MVB12B: variants seen among roughly 807,000 people sequenced by gnomAD.
MVB12B encodes ESCRT-I complex subunit MVB12B.
In MVB12B, 16 loss-of-function variants were observed where a neutral mutation model predicts 41.6. That is an observed-to-expected ratio of 0.38 (90% confidence interval 0.26 to 0.58). The LOEUF (loss-of-function observed/expected upper bound fraction) is 0.58. MVB12B is among the 20% of genes least tolerant of loss of function. The pLI is 0.62. For synonymous variants in MVB12B, 133 were observed against 139.7 expected, an observed-to-expected ratio of 0.95 and a Z score of 0.34; for missense variants, 274 against 380.2, an observed-to-expected ratio of 0.72 and a Z score of 2.32.
At chr9:126,379,779 C>T (rs1003619661) in intron 2 of MVB12B, among the ~76,000 whole-genome samples, 2 of 152,198 alleles carry the variant, frequency 1.3e-5, no homozygotes, top group African/African-American at 2.4e-5. Context: ...GAGCCTGAGC[C>T]CACTGGGCTG....
rs192711946 is a variant in MVB12B, at chr9:126,383,625, A to G, written c.312+2454A>G. Among the ~76,000 whole-genome samples, 3 of 152,252 alleles carry G rather than the reference A, an allele frequency of 2.0e-5. No individual in the cohort carries two copies. In the East Asian group the frequency reaches 5.8e-4, roughly 29 times the overall value. On this transcript the variant is annotated intron_variant, in intron 3 of 9. Transcript: ENST00000361171. ...AGTGCATATTGGGCTTTTGGCATGA[A>G]TCATTTGCTCAACAAGGATTGGGAA...
At chr9:126,381,549 CT>C (rs1830636037) in intron 3 of MVB12B, among the ~76,000 whole-genome samples, 2 of 152,162 alleles carry the variant, frequency 1.3e-5, no homozygotes, top group South Asian at 4.1e-4. Flanking sequence ...GGGAGGGCCC[CT>C]GTGACCCCAC....
intron 4 of MVB12B, among the ~76,000 whole-genome samples, chr9:126,388,358 A>T (rs1356923187): frequency 6.6e-6 from 1 of 152,218 alleles, no homozygotes; most frequent in Non-Finnish European, 1.5e-5. Flanking sequence ...ACGTTGTAGG[A>T]TAGATCATTA....
At chr9:126,471,153 C>T (rs769562518) in intron 7 of MVB12B, among the ~76,000 whole-genome samples, 5 of 152,164 alleles carry the variant, frequency 3.3e-5, no homozygotes, top group South Asian at 4.1e-4. Flanking sequence ...CAGCTGCTTT[C>T]GACATAAAAC....
chr9:126,501,121 G>A (rs1833946550), intron 9 of MVB12B, among the ~76,000 whole-genome samples: 1 of 152,250 alleles, frequency 6.6e-6, no homozygotes, highest in South Asian at 2.1e-4. Context: ...TCCCGGAGCC[G>A]GAGTCTCCTG....
chr9:126,381,182 T>C lies in MVB12B; in HGVS notation c.312+11T>C. On this transcript the variant is annotated intron_variant, in intron 3 of 9. Transcript: ENST00000361171. ...TTTTCCAAAGAAAATGTAAGTCTAG[T>C]CGTAGTTTCCATTTGCTGAGTGAGC... 1 of 1,584,036 alleles carries C rather than the reference T, an allele frequency of 6.3e-7. No individual in the cohort carries two copies. Among genetic ancestry groups the C allele is most frequent in the Non-Finnish European group, 8.7e-7 (1 of 1,153,418 alleles).
At chr9:126,502,943 TCAC>T (rs1833989928) in intron 9 of MVB12B, among the ~76,000 whole-genome samples, 1 of 152,096 alleles carries the variant, frequency 6.6e-6, no homozygotes, top group South Asian at 2.1e-4. Context: ...GTACCAGTCA[TCAC>T]CACAGGAGCC....
At chr9:126,474,961 G>A (rs1164047286) in intron 7 of MVB12B, among the ~76,000 whole-genome samples, 1 of 152,180 alleles carries the variant, frequency 6.6e-6, no homozygotes, top group Non-Finnish European at 1.5e-5. Context: ...TGACTCATCC[G>A]GGCACCAGGA....
intron 6 of MVB12B, among the ~76,000 whole-genome samples, chr9:126,412,440 C>CTCTG (rs1405560169): frequency 2.0e-5 from 3 of 152,060 alleles, no homozygotes; most frequent in Non-Finnish European, 2.9e-5. Flanking sequence ...TGTACATGAC[C>CTCTG]TCTGGTCTTT....
chr9:126,499,761 A>C (rs966666067), intron 9 of MVB12B, among the ~76,000 whole-genome samples: 1 of 141,632 alleles, frequency 7.1e-6, no homozygotes, highest in Non-Finnish European at 1.6e-5. Context: ...ATAACCTAAA[A>C]AGGGAAAAAA....
rs1474549421 is a variant in MVB12B at position 126,326,895 on chromosome 9, GC to G, written c.-31del. 3 of 190,392 alleles carry G rather than the reference GC, an allele frequency of 1.6e-5. No homozygotes were observed. The highest frequency in any genetic ancestry group is 7.7e-5 in the South Asian group (1 of 12,910). The allele number at this position is 190,392 out of a possible 1,614,324, so 11.8% of individuals were successfully genotyped here. A position where few individuals can be genotyped will look rare whatever the true frequency, so the allele number is the denominator to read the frequency against. On this transcript the variant is annotated 5_prime_UTR_variant, in exon 1 of 10. Transcript: ENST00000361171. Reference sequence around the variant, plus strand: ...TGCGGCGCCGGCTCCTGCCGCCTGGGCCCCGGGCCCGGCCCCTCCCGCGCCG... The same window carrying G: ...TGCGGCGCCGGCTCCTGCCGCCTGGGCCCGGGCCCGGCCCCTCCCGCGCCG...
At chr9:126,359,292 T>C (rs1218105987) in intron 2 of MVB12B, among the ~76,000 whole-genome samples, 1 of 152,146 alleles carries the variant, frequency 6.6e-6, no homozygotes, top group African/African-American at 2.4e-5. Context: ...TTTTAATATA[T>C]TGTTAGATTC....
intron 2 of MVB12B, among the ~76,000 whole-genome samples, chr9:126,369,550 T>G (rs562622027): frequency 1.3e-5 from 2 of 152,334 alleles, no homozygotes; most frequent in African/African-American, 4.8e-5. Context: ...GTTTGGTGTT[T>G]TTCATTCCTA....
At chr9:126,393,283 C>T (rs893794169) in intron 5 of MVB12B, among the ~76,000 whole-genome samples, 6 of 152,156 alleles carry the variant, frequency 3.9e-5, no homozygotes, top group Admixed American at 6.5e-5. Context: ...GCTTGAAGGC[C>T]GGCACTGGGT....
chr9:126,363,841 G>A (rs567417741), intron 2 of MVB12B, among the ~76,000 whole-genome samples: 15 of 152,228 alleles, frequency 9.9e-5, no homozygotes, highest in African/African-American at 3.6e-4. Flanking sequence ...TCCTCTCCCT[G>A]TGGAATTATG....
intron 6 of MVB12B, chr9:126,396,596 G>C: frequency 1.0e-6 from 1 of 985,446 alleles, no homozygotes; most frequent in Non-Finnish European, 1.2e-6. Context: ...CATACCACCA[G>C]CTCTCTGTAC....
chr9:126,490,589 C>T (rs1007659923), intron 9 of MVB12B, among the ~76,000 whole-genome samples: 5 of 152,196 alleles, frequency 3.3e-5, no homozygotes, highest in African/African-American at 1.2e-4. Context: ...GCACTCCTGG[C>T]GGAGCAACAG....
Position 126,376,638 on chromosome 9 carries a change from G to A in MVB12B, c.205-4426G>A. On this transcript the variant is annotated intron_variant, in intron 2 of 9. Coordinates refer to ENST00000361171, the MANE Select transcript of MVB12B (RefSeq NM_033446.3). This position sits in a 1 kb window ranked among gnomAD's most constrained non-coding sequence, Gnocchi z 4.1. ...GGAAGCAAGAAGGAGGGTAAGCGCGGGTGGCAGGGAGGGGCCTGCCATTGC... is the reference window on the plus strand; with the variant it reads ...GGAAGCAAGAAGGAGGGTAAGCGCGAGTGGCAGGGAGGGGCCTGCCATTGC... 7.8e-7 allele frequency: 1 copy of A among 1,289,178 alleles called. No individual in the cohort carries two copies. The highest frequency in any genetic ancestry group is 1.0e-6 in the Non-Finnish European group (1 of 988,732). 79.9% of individuals were successfully genotyped at this position (1,289,178 alleles called of 1,614,324 possible). A position where few individuals can be genotyped will look rare whatever the true frequency, so the allele number is the denominator to read the frequency against.
Position 126,395,876 on chromosome 9 carries a change from G to A in MVB12B, c.662+179G>A. 7.0e-7 allele frequency: 1 copy of A among 1,422,410 alleles called. No individual in the cohort carries two copies. Among genetic ancestry groups the A allele is most frequent in the African/African-American group, 1.4e-5 (1 of 69,638 alleles). 88.1% of individuals were successfully genotyped at this position (1,422,410 alleles called of 1,614,324 possible). ...CCACTTGGAAATCTTTGCATTACAT[G>A]AATGCAAAGGCCATTCTATAGTCTA... On this transcript the variant is annotated intron_variant, in intron 6 of 9. Transcript: ENST00000361171. This position sits in a 1 kb window ranked among gnomAD's most constrained non-coding sequence, Gnocchi z 4.9.
Sources: allele counts gnomAD v4.1 joint callset (sites outside exome capture counted in the v4.1 genomes callset), GRCh38; gene constraint gnomAD v4.1.1; non-coding constraint Gnocchi (gnomAD v3.1); transcripts MANE v1.5; gene names NCBI Gene and HGNC (gene_info 2026-07-23, HGNC 2026-07-21).